Variants in AMBN observed in about 807,000 individuals in gnomAD.
The protein encoded by AMBN is ameloblastin.
Under a neutral mutation model 48.0 loss-of-function variants are expected in AMBN, and 54 were observed. The ratio of observed to expected loss-of-function variants is 1.12; its 90% confidence interval spans 0.90 to 1.41. The LOEUF (loss-of-function observed/expected upper bound fraction) is 1.41. AMBN is among the 40% of genes most tolerant of loss of function. The pLI is 0.00. For missense variants in AMBN, 571 were observed against 547.3 expected, an observed-to-expected ratio of 1.04 and a Z score of -0.43; for synonymous variants, 186 against 190.0, an observed-to-expected ratio of 0.98 and a Z score of 0.17.
chr4:70,603,378 GA>G (rs1192192090), intron 10 of AMBN, 37 bp from the exon 11 acceptor site: 1 of 1,612,820 alleles, frequency 6.2e-7, no homozygotes, highest in Non-Finnish European at 8.5e-7. Flanking sequence ...TTTTCCATTG[GA>G]AAATGCATTT....
Position 70,606,436 on chromosome 4 carries a change from C to T in AMBN, c.1050C>T (p.His350=), listed in dbSNP as rs535667209. The part of the protein sequence containing the change: ...AFLTELEPAP[H]AGLLALPKDD... ...TTACAGAGCTAGAACCTGCTCCCCA[C>T]GCAGGGCTCCTTGCTCTCCCTAAGG... is the stretch of plus-strand genomic sequence containing the variant. The change falls in exon 13 of 13, where the codon CAC becomes CAT. Residue 350 remains histidine, a synonymous_variant. Coordinates refer to ENST00000322937, the MANE Select transcript of AMBN (RefSeq NM_016519.6). 1.2e-4 allele frequency: 200 copies of T among 1,613,968 alleles called. No homozygotes were observed. In the South Asian group the frequency reaches 1.9e-3, roughly 16 times the overall value.
intron 1 of AMBN, 119 bp downstream of exon 1, chr4:70,592,492 G>A: frequency 8.9e-7 from 1 of 1,119,030 alleles, no homozygotes; most frequent in Non-Finnish European, 1.3e-6. Context: ...ATTATTGCTT[G>A]TTGTAATCCA....
At position 70,596,911 on chromosome 4, in the gene AMBN, T is replaced by C. The variant is rs533260858; in HGVS notation, c.85-88T>C. On this transcript the variant is annotated intron_variant, in intron 2 of 12. Coordinates refer to ENST00000322937, the MANE Select transcript of AMBN (RefSeq NM_016519.6). ...AAATGGTGGCCTCTCAGGTAGCCCG[T>C]ATGTACTGGAGCAATATCCTACGCC... 3.2e-5 allele frequency: 37 copies of C among 1,140,056 alleles called. 1 individual carries two copies. In the African/African-American group the frequency reaches 3.7e-4, roughly 11 times the overall value. 70.6% of individuals were successfully genotyped at this position (1,140,056 alleles called of 1,614,324 possible).
At chr4:70,597,508 T>G (rs1737413561) in intron 3 of AMBN, among the ~76,000 whole-genome samples, 1 of 152,144 alleles carries the variant, frequency 6.6e-6, no homozygotes, top group African/African-American at 2.4e-5. Context: ...CTGCATAAGT[T>G]GTACAGTGTA....
intron 8 of AMBN, 43 bp downstream of exon 8, chr4:70,602,879 A>G (rs1737555748): frequency 6.5e-7 from 1 of 1,541,362 alleles, no homozygotes; most frequent in Non-Finnish European, 8.8e-7. Context: ...TTTTATTTTT[A>G]TTTTTATTTG....
intron 11 of AMBN, 122 bp from the exon 12 acceptor site, chr4:70,603,755 T>C: frequency 2.0e-6 from 2 of 994,716 alleles, no homozygotes. Context: ...CCTCTCCACT[T>C]TGCCTCTGTA....
rs1737289545 is a variant in AMBN, at chr4:70,592,257, A to G, written c.-102A>G. On this transcript the variant is annotated 5_prime_UTR_variant, in exon 1 of 13. Coordinates refer to ENST00000322937, the MANE Select transcript of AMBN (RefSeq NM_016519.6). Reference sequence around the variant, plus strand: ...AAAGGTTTCTAATCTTCCCTGAATGAGAAGTACAGAGCAAGTCCCACGCAC... The same window carrying G: ...AAAGGTTTCTAATCTTCCCTGAATGGGAAGTACAGAGCAAGTCCCACGCAC... 1.8e-6 allele frequency: 2 copies of G among 1,084,028 alleles called. No homozygotes were observed. Among genetic ancestry groups the G allele is most frequent in the South Asian group, 1.5e-5 (1 of 67,206 alleles). The allele number at this position is 1,084,028 out of a possible 1,614,324, so 67.2% of individuals were successfully genotyped here. A position where few individuals can be genotyped will look rare whatever the true frequency, so the allele number is the denominator to read the frequency against.
At chr4:70,602,864 CTATTTTT>C in intron 8 of AMBN, 28 bp downstream of exon 8, 30 of 1,557,108 alleles carry the variant, frequency 1.9e-5, no homozygotes, top group Non-Finnish European at 2.5e-5. Context: ...TGAGACACTT[CTATTTTT>C]TATTTTTATT....
Position 70,606,436 on chromosome 4 carries a change from CGCAGGGCTCCTT to C in AMBN, c.1053_1064del (p.Gly352_Ala355del). On this transcript the variant is annotated inframe_deletion, in exon 13 of 13. Coordinates refer to ENST00000322937, the MANE Select transcript of AMBN (RefSeq NM_016519.6). ...TTACAGAGCTAGAACCTGCTCCCCACGCAGGGCTCCTTGCTCTCCCTAAGGATGACATTCCCG... is the reference window on the plus strand; with the variant it reads ...TTACAGAGCTAGAACCTGCTCCCCACGCTCTCCCTAAGGATGACATTCCCG... The C allele has an allele frequency of 6.2e-7, 1 of 1,613,968 alleles. No individual in the cohort carries two copies. Among genetic ancestry groups the C allele is most frequent in the East Asian group, 2.2e-5 (1 of 44,798 alleles).
intron 12 of AMBN, among the ~76,000 whole-genome samples, chr4:70,604,955 T>C (rs2109805134): frequency 6.6e-6 from 1 of 150,426 alleles, no homozygotes; most frequent in African/African-American, 2.5e-5. Context: ...ATCACGCCAC[T>C]GCACTCCAGC....
chr4:70,597,074 A>G lies in AMBN; in HGVS notation c.135+25A>G, dbSNP rs571819924. ...GGTATGTATTGTCAGAATTTTTAAC[A>G]TATTAACTTTACATTGGTATATTTG... is the stretch of plus-strand genomic sequence containing the variant. On this transcript the variant is annotated intron_variant, in intron 3 of 12. Transcript: ENST00000322937. 10 of 1,596,688 alleles carry G rather than the reference A, an allele frequency of 6.3e-6. No homozygotes were observed. The South Asian group carries it at 8.9e-5, about 14-fold the overall frequency.
At chr4:70,601,222 T>G (rs1321555858) in intron 5 of AMBN, among the ~76,000 whole-genome samples, 196 bp from the exon 6 acceptor site, 1 of 151,860 alleles carries the variant, frequency 6.6e-6, no homozygotes, top group Non-Finnish European at 1.5e-5. Context: ...CCAAAGGAGG[T>G]AGGGGAGGCA....
chr4:70,606,481 A>G lies in AMBN; in HGVS notation c.1095A>G (p.Pro365=), dbSNP rs562421222. ...CTAAGGATGACATTCCCGGCCTGCC[A>G]AGGAGCCCTTCAGGGAAGATGAAGG... ...ALPKDDIPGL[P]RSPSGKMKGL... The change falls in exon 13 of 13, where the codon CCA becomes CCG. Residue 365 remains proline (P), a synonymous_variant. Coordinates refer to ENST00000322937, the MANE Select transcript of AMBN (RefSeq NM_016519.6). The G allele has an allele frequency of 2.5e-5, 41 of 1,613,992 alleles. No individual in the cohort carries two copies. The highest frequency in any genetic ancestry group is 3.4e-5 in the Non-Finnish European group (40 of 1,179,972).
In AMBN at chr4:70,606,843, C is replaced by T. The variant is rs187484386; in HGVS notation, c.*113C>T. Reference sequence around the variant, plus strand: ...CCTTCTGCAGCAAAGGCATTAAAAGCGCTAAGCATATATTAATAAATGCAA... The same window carrying T: ...CCTTCTGCAGCAAAGGCATTAAAAGTGCTAAGCATATATTAATAAATGCAA... On this transcript the variant is annotated 3_prime_UTR_variant, in exon 13 of 13. Transcript: ENST00000322937. The T allele has an allele frequency of 5.8e-3, 6,855 of 1,188,494 alleles. 281 individuals are homozygous for T. The African/African-American group carries it at 0.094, about 16-fold the overall frequency. 73.6% of individuals were successfully genotyped at this position (1,188,494 alleles called of 1,614,324 possible).
chr4:70,602,945 TA>T (rs1308129209), intron 8 of AMBN, 26 bp from the exon 9 acceptor site: 1 of 1,578,968 alleles, frequency 6.3e-7, no homozygotes, highest in Non-Finnish European at 8.6e-7. Context: ...TTTTGACTGA[TA>T]ATTTTAATAT....
chr4:70,598,747 C>T (rs28589913), intron 4 of AMBN, among the ~76,000 whole-genome samples: 107,111 of 151,682 alleles, frequency 0.71, 38,264 homozygotes, highest in African/African-American at 0.79. Flanking sequence ...AGTTCACCTA[C>T]CCATTTGATT....
chr4:70,592,414 T>C, intron 1 of AMBN, 41 bp downstream of exon 1: 1 of 1,610,888 alleles, frequency 6.2e-7, no homozygotes, highest in Non-Finnish European at 8.5e-7. Context: ...TTCCTGTAAA[T>C]TCTTTTTTTC....
Position 70,606,198 on chromosome 4 carries a change from A to T in AMBN, c.812A>T (p.Asp271Val). 6.2e-7 allele frequency: 1 copy of T among 1,613,772 alleles called. No homozygotes were observed. The highest frequency in any genetic ancestry group is 8.5e-7 in the Non-Finnish European group (1 of 1,179,794). Residue 271 changes from aspartate to valine, a missense_variant, in exon 13 of 13, where the codon GAC (aspartate) becomes GTC (valine). Asp to Val is a radical substitution (Grantham distance 152, BLOSUM62 -3). Transcript: ENST00000322937. ...TTTTTTTTCCAGGGCGGGAGAGAAG[A>T]CCCAATGGCCTATGGAGCCATGTTT... The part of the protein sequence containing the change: ...SSEEVAGGRE[D>V]PMAYGAMFPG...
At chr4:70,598,712 G>A (rs527357261) in intron 4 of AMBN, among the ~76,000 whole-genome samples, 184 of 152,054 alleles carry the variant, frequency 1.2e-3, no homozygotes, top group Non-Finnish European at 2.2e-3. Flanking sequence ...AGCTCAAAAC[G>A]AAATTTAAGT....
Sources: gnomAD v4.1 joint callset for allele counts (sites outside exome capture counted in the v4.1 genomes callset) on GRCh38, gnomAD v4.1.1 for gene constraint, MANE v1.5 for transcripts, NCBI Gene and HGNC (gene_info 2026-07-23, HGNC 2026-07-21) for gene names.